IPO11: variants seen among roughly 807,000 people sequenced by gnomAD.
IPO11 encodes the protein importin 11, also known as importin-11.
In IPO11, 66 loss-of-function variants were observed where a neutral mutation model predicts 143.2. The ratio of observed to expected loss-of-function variants is 0.46; its 90% CI spans 0.38 to 0.57. IPO11 has a LOEUF of 0.57. IPO11 is among the 20% of genes least tolerant of loss of function. The pLI, the probability that IPO11 is intolerant of heterozygous loss-of-function variation, is 0.00. For synonymous variants in IPO11, 385 were observed against 377.8 expected (o/e 1.02, Z -0.22); for missense variants, 1,026 against 1,141.0 (o/e 0.90, Z 1.45).
chr5:62,490,274 T>C, intron 15 of IPO11, 54 bp downstream of exon 15: 4 of 1,200,184 alleles, frequency 3.3e-6, no homozygotes, highest in Non-Finnish European at 4.6e-6. Flanking sequence ...ATTTATTTTA[T>C]TAATGAAGAC....
At chr5:62,426,931 GTT>G (rs763031944) in intron 1 of IPO11, among the ~76,000 whole-genome samples, 7,427 of 89,808 alleles carry the variant, frequency 0.083, 78 homozygotes, top group East Asian at 0.14. Flanking sequence ...TTTTCTTTCT[GTT>G]TTTTTTTTTT....
intron 22 of IPO11, among the ~76,000 whole-genome samples, chr5:62,531,729 C>T (rs1477191251): frequency 1.3e-5 from 2 of 152,108 alleles, no homozygotes; most frequent in Non-Finnish European, 2.9e-5. Flanking sequence ...ATTTTCTCGC[C>T]TTATTTGTTG....
intron 29 of IPO11, among the ~76,000 whole-genome samples, chr5:62,620,623 A>G (rs548657612): frequency 2.0e-5 from 3 of 151,916 alleles, no homozygotes; most frequent in East Asian, 3.9e-4. Flanking sequence ...TCTGGTTGAC[A>G]GTTGGTTGAG....
At chr5:62,600,292 C>A (rs1745459388) in intron 28 of IPO11, among the ~76,000 whole-genome samples, 1 of 152,160 alleles carries the variant, frequency 6.6e-6, no homozygotes, top group Non-Finnish European at 1.5e-5. Flanking sequence ...GGGATTCACC[C>A]ACCTCAGCCT....
Position 62,586,752 on chromosome 5 carries a change from CAAAAAAAAA to C in IPO11, c.2583-4816_2583-4808del, listed in dbSNP as rs763383085. Among the ~76,000 whole-genome samples, 37 of 60,480 alleles carry C rather than the reference CAAAAAAAAA, an allele frequency of 6.1e-4. No homozygotes were observed. In the South Asian group the frequency reaches 0.018, roughly 30 times the overall value. 39.7% of individuals were successfully genotyped at this position (60,480 alleles called of 152,430 possible). ...GGCAACAAGAGCAAAACTCAGTCTC[CAAAAAAAAA>C]AAAAAAAATATATATATATATATAT... On this transcript the variant is annotated intron_variant, in intron 27 of 29. Coordinates refer to ENST00000325324, the MANE Select transcript of IPO11 (RefSeq NM_016338.5).
Position 62,504,599 on chromosome 5 carries a change from T to G in IPO11, c.1591-68T>G, listed in dbSNP as rs989205050. 8.6e-5 allele frequency: 77 copies of G among 890,766 alleles called. 1 individual carries two copies. The Middle Eastern group carries it at 2.4e-3, about 28-fold the overall frequency. The allele number at this position is 890,766 out of a possible 1,614,324, so 55.2% of individuals were successfully genotyped here. A position where few individuals can be genotyped will look rare whatever the true frequency, so the allele number is the denominator to read the frequency against. The stretch of plus-strand genomic sequence containing the variant: ...CAGAAAGTGATTTGGAATAAAATTT[T>G]TTGTTTGATATTAATGATGTTTAGT... On this transcript the variant is annotated intron_variant, in intron 16 of 29. Coordinates refer to ENST00000325324, the MANE Select transcript of IPO11 (RefSeq NM_016338.5).
intron 27 of IPO11, among the ~76,000 whole-genome samples, chr5:62,586,268 AT>A (rs1744768233): frequency 1.3e-5 from 2 of 152,082 alleles, no homozygotes; most frequent in South Asian, 2.1e-4. Context: ...CTTTAGAAAT[AT>A]TTTTTCTTTT....
chr5:62,495,773 G>A (rs900771770), intron 16 of IPO11, among the ~76,000 whole-genome samples: 3 of 152,044 alleles, frequency 2.0e-5, no homozygotes, highest in Non-Finnish European at 2.9e-5. Flanking sequence ...ACTGGGCCCC[G>A]AAATTGCTTG....
chr5:62,543,787 A>G (rs889099554), intron 24 of IPO11, among the ~76,000 whole-genome samples: 2 of 151,914 alleles, frequency 1.3e-5, no homozygotes, highest in South Asian at 4.2e-4. Flanking sequence ...TAGGGTGTCA[A>G]TTTTAGATCT....
chr5:62,627,370 A>G lies in IPO11; in HGVS notation c.*52A>G. 1 of 1,553,224 alleles carries G rather than the reference A, an allele frequency of 6.4e-7. No homozygotes were observed. Among genetic ancestry groups the G allele is most frequent in the Non-Finnish European group, 8.8e-7 (1 of 1,138,448 alleles). ...CTTTCAGAAACAAGCTGAGTAACCC[A>G]GCCTGCCGTTTGTATGTGAGAGCCT... is the stretch of plus-strand genomic sequence containing the variant. On this transcript the variant is annotated 3_prime_UTR_variant, in exon 30 of 30. Coordinates refer to ENST00000325324, the MANE Select transcript of IPO11 (RefSeq NM_016338.5).
chr5:62,537,581 G>A (rs1742778438), intron 24 of IPO11, among the ~76,000 whole-genome samples: 1 of 152,072 alleles, frequency 6.6e-6, no homozygotes, highest in Non-Finnish European at 1.5e-5. Context: ...ACCTCACTTT[G>A]GGTAGTAAGG....
chr5:62,487,805 A>G lies in IPO11; in HGVS notation c.1253A>G (p.His418Arg), dbSNP rs1309464882. 6.2e-7 allele frequency: 1 copy of G among 1,608,746 alleles called. No individual in the cohort carries two copies. The highest frequency in any genetic ancestry group is 2.2e-5 in the East Asian group (1 of 44,718). The stretch of plus-strand genomic sequence containing the variant: ...GAAGTATTATTTATAGATATATTCC[A>G]TGAATATAATCAGACTCTTACTCCT... ...CTEVLFIDIF[H>R]EYNQTLTPVL... The change falls in exon 13 of 30, where the codon CAT becomes CGT. Residue 418 changes from histidine to arginine, a missense_variant. Physicochemically the swap from His to Arg is conservative, Grantham distance 29 (BLOSUM62 0). Coordinates refer to ENST00000325324, the MANE Select transcript of IPO11 (RefSeq NM_016338.5).
At chr5:62,607,760 C>T (rs1222014221) in intron 29 of IPO11, among the ~76,000 whole-genome samples, 2 of 151,456 alleles carry the variant, frequency 1.3e-5, no homozygotes, top group African/African-American at 2.4e-5. Context: ...TCTCAACTTG[C>T]GCAGTTAACA....
At chr5:62,534,798 G>C (rs1235514702) in intron 22 of IPO11, among the ~76,000 whole-genome samples, 1 of 152,192 alleles carries the variant, frequency 6.6e-6, no homozygotes, top group East Asian at 1.9e-4. Flanking sequence ...CAAATGTCCT[G>C]TAGGGGACAA....
intron 3 of IPO11, among the ~76,000 whole-genome samples, chr5:62,447,626 C>T (rs1382979568): frequency 1.3e-5 from 2 of 151,516 alleles, no homozygotes; most frequent in Non-Finnish European, 2.9e-5. Context: ...TGCTCTGTCA[C>T]CCAGGCTGGA....
intron 29 of IPO11, among the ~76,000 whole-genome samples, chr5:62,603,334 T>C (rs186266758): frequency 1.9e-4 from 29 of 152,350 alleles, no homozygotes; most frequent in Non-Finnish European, 3.2e-4. Flanking sequence ...AAGGAATAAA[T>C]GTTTGCAAAG....
intron 16 of IPO11, among the ~76,000 whole-genome samples, chr5:62,500,849 C>T (rs753526849): frequency 5.9e-5 from 9 of 152,168 alleles, no homozygotes; most frequent in Non-Finnish European, 1.0e-4. Flanking sequence ...TTTCTTTACA[C>T]CAGCATCACC....
At chr5:62,513,423 CCA>C (rs1741862853) in intron 19 of IPO11, among the ~76,000 whole-genome samples, 1 of 137,238 alleles carries the variant, frequency 7.3e-6, no homozygotes. Flanking sequence ...GACCCCCCCC[CCA>C]CCTCCCTCCC....
At chr5:62,471,926 T>G (rs1372639291) in intron 7 of IPO11, among the ~76,000 whole-genome samples, 1 of 152,230 alleles carries the variant, frequency 6.6e-6, no homozygotes, top group Non-Finnish European at 1.5e-5. Flanking sequence ...ATTGAAAATG[T>G]TGGGTTAAGC....
Sources: gnomAD v4.1 joint callset for allele counts (sites outside exome capture counted in the v4.1 genomes callset) on GRCh38, gnomAD v4.1.1 for gene constraint, MANE v1.5 for transcripts, NCBI Gene and HGNC (gene_info 2026-07-23, HGNC 2026-07-21) for gene names.